HEY2: variants seen among roughly 807,000 people sequenced by gnomAD.
HEY2 encodes the protein hes related family bHLH transcription factor with YRPW motif 2, also known as hairy/enhancer-of-split related with YRPW motif protein 2.
In HEY2, 10 loss-of-function variants were observed where a neutral mutation model predicts 18.1. That is an observed-to-expected ratio of 0.55 (90% confidence interval 0.34 to 0.94). The LOEUF (loss-of-function observed/expected upper bound fraction) is 0.94. Among genes scored for constraint, HEY2 ranks in the 40% least tolerant of loss-of-function variants. The pLI is 0.02. For missense variants in HEY2, 455 were observed against 455.9 expected (o/e 1.00, Z 0.02); for synonymous variants, 210 against 182.7 (o/e 1.15, Z -1.21).
In HEY2 at chr6:125,752,006, G is replaced by C. The variant is rs770916099; in HGVS notation, c.163-1G>C. 1 of 1,612,516 alleles carries C rather than the reference G, an allele frequency of 6.2e-7. No individual in the cohort carries two copies. The highest frequency in any genetic ancestry group is 8.5e-7 in the Non-Finnish European group (1 of 1,178,644). ...TTTTGTTGTTTGCTTCTTTTGGATA[G>C]ATTATAGAGAAAAGGCGTCGGGATC... On this transcript the variant is annotated splice_acceptor_variant, in intron 2 of 4. Transcript: ENST00000368364. LOFTEE classifies it high-confidence loss of function.
intron 4 of HEY2, among the ~76,000 whole-genome samples, chr6:125,758,324 C>A (rs920419049): frequency 6.6e-6 from 1 of 152,094 alleles, no homozygotes; most frequent in Non-Finnish European, 1.5e-5. Flanking sequence ...AATTAATATA[C>A]ATTTTTTTTC....
intron 4 of HEY2, among the ~76,000 whole-genome samples, chr6:125,756,314 TC>T (rs986142835): frequency 6.6e-6 from 1 of 151,888 alleles, no homozygotes; most frequent in African/African-American, 2.4e-5. Flanking sequence ...ATGCCTGTAA[TC>T]CCAGCACTTT....
At chr6:125,755,130 A>G (rs567624058) in intron 4 of HEY2, among the ~76,000 whole-genome samples, 3 of 152,316 alleles carry the variant, frequency 2.0e-5, no homozygotes, top group Non-Finnish European at 2.9e-5. Context: ...ACCAGAAGCC[A>G]TTAATGGAGC....
rs1256397071 is a variant in HEY2, at chr6:125,760,620, A to T, written c.*818A>T. 2.6e-5 allele frequency: 4 copies of T among 152,282 alleles called. No individual in the cohort carries two copies. The East Asian group carries it at 5.8e-4, about 22-fold the overall frequency. 9.4% of individuals were successfully genotyped at this position (152,282 alleles called of 1,614,324 possible). On this transcript the variant is annotated 3_prime_UTR_variant, in exon 5 of 5. Coordinates refer to ENST00000368364, the MANE Select transcript of HEY2 (RefSeq NM_012259.3). Reference sequence around the variant, plus strand: ...ACATTTATATAGTGCACCTATGAGCAGTTGCCTACCATGTGTCCACCAGAG... The same window carrying T: ...ACATTTATATAGTGCACCTATGAGCTGTTGCCTACCATGTGTCCACCAGAG...
intron 1 of HEY2, among the ~76,000 whole-genome samples, 172 bp downstream of exon 1, chr6:125,750,031 G>C: frequency 6.6e-6 from 1 of 152,210 alleles, no homozygotes; most frequent in South Asian, 2.1e-4. Context: ...GAGTTGGGAT[G>C]GGGCAAGGGA....
chr6:125,758,979 G>T (rs1306498054), intron 4 of HEY2, 138 bp from the exon 5 acceptor site: 2 of 612,816 alleles, frequency 3.3e-6, no homozygotes, highest in Admixed American at 3.5e-5. Flanking sequence ...TTTCCAGAAA[G>T]GATTATCGTT....
At chr6:125,752,170 C>A (rs1257647092) in intron 3 of HEY2, 80 bp downstream of exon 3, 2 of 775,092 alleles carry the variant, frequency 2.6e-6, no homozygotes, top group Admixed American at 2.2e-5. Context: ...CTGATTCGCT[C>A]ATCTGGGAAT....
chr6:125,753,018 C>T (rs1471233323), intron 3 of HEY2, among the ~76,000 whole-genome samples: 1 of 152,198 alleles, frequency 6.6e-6, no homozygotes, highest in Non-Finnish European at 1.5e-5. Flanking sequence ...TTTACTGAAT[C>T]TGCTTGTACC....
At chr6:125,756,567 C>G (rs947713324) in intron 4 of HEY2, among the ~76,000 whole-genome samples, 3 of 150,146 alleles carry the variant, frequency 2.0e-5, no homozygotes. Context: ...AACTCCATCT[C>G]AAAAAAAATA....
rs909126615 is a variant in HEY2, at chr6:125,749,687, C to G, written c.-90C>G. ...CGCCGGAGCCGCGCCTGCCCAGGCC[C>G]GGGGAGGGAGGAGGCGGGCGTCAGG... On this transcript the variant is annotated 5_prime_UTR_variant, in exon 1 of 5. Transcript: ENST00000368364. 3.3e-5 allele frequency: 31 copies of G among 927,974 alleles called. No homozygotes were observed. The South Asian group carries it at 4.2e-4, about 13-fold the overall frequency. The allele number at this position is 927,974 out of a possible 1,614,324, so 57.5% of individuals were successfully genotyped here.
rs532500814 is a variant in HEY2 at position 125,749,755 on chromosome 6, G to T, written c.-22G>T. On this transcript the variant is annotated 5_prime_UTR_variant, in exon 1 of 5. Transcript: ENST00000368364. ...GCGTCCGAGCTTCCGGCCGGGCTGT[G>T]CCCCGCGCGGTCTTCGCCGGGATGA... The T allele has an allele frequency of 3.2e-6, 5 of 1,551,740 alleles. No homozygotes were observed. The highest frequency in any genetic ancestry group is 1.7e-4 in the Middle Eastern group (1 of 5,758).
intron 4 of HEY2, among the ~76,000 whole-genome samples, chr6:125,755,540 A>G (rs922355492): frequency 2.0e-5 from 3 of 152,188 alleles, no homozygotes; most frequent in Non-Finnish European, 4.4e-5. Flanking sequence ...AGATCAGGGC[A>G]GAGGCAGGAC....
chr6:125,753,180 C>G (rs1384549512), intron 3 of HEY2, among the ~76,000 whole-genome samples: 2 of 152,188 alleles, frequency 1.3e-5, no homozygotes, highest in Non-Finnish European at 2.9e-5. Flanking sequence ...TGATTAGTAG[C>G]ATTTTCAGTG....
Position 125,749,666 on chromosome 6 carries a change from G to T in HEY2, c.-111G>T. The T allele has an allele frequency of 1.6e-6, 1 of 638,024 alleles. No individual in the cohort carries two copies. Among genetic ancestry groups the T allele is most frequent in the South Asian group, 2.8e-5 (1 of 36,350 alleles). 39.5% of individuals were successfully genotyped at this position (638,024 alleles called of 1,614,324 possible). On this transcript the variant is annotated 5_prime_UTR_variant, in exon 1 of 5. Transcript: ENST00000368364. ...GCTAGGAGCAGACCGCGCCGCCGCC[G>T]GAGCCGCGCCTGCCCAGGCCCGGGG...
rs1384677516 is a variant in HEY2 at position 125,760,907 on chromosome 6, T to G, written c.*1105T>G. ...GCATTTGATCCCAAAACAAGATGAA[T>G]GTATGCAATGGGATGTACATAAGTT... is the stretch of plus-strand genomic sequence containing the variant. On this transcript the variant is annotated 3_prime_UTR_variant, in exon 5 of 5. Coordinates refer to ENST00000368364, the MANE Select transcript of HEY2 (RefSeq NM_012259.3). The G allele has an allele frequency of 6.6e-6, 1 of 152,652 alleles. No individual in the cohort carries two copies. The highest frequency in any genetic ancestry group is 2.4e-5 in the African/African-American group (1 of 41,464). The allele number at this position is 152,652 out of a possible 1,614,324, so 9.5% of individuals were successfully genotyped here. A position where few individuals can be genotyped will look rare whatever the true frequency, so the allele number is the denominator to read the frequency against.
Position 125,759,161 on chromosome 6 carries a change from G to A in HEY2, c.373G>A (p.Gly125Arg), listed in dbSNP as rs755096617. Reference sequence around the variant, plus strand: ...TCTTGCCATGGACTTCATGAGCATAGGATTCCGAGAGTGCCTAACAGAAGT... The same window carrying A: ...TCTTGCCATGGACTTCATGAGCATAAGATTCCGAGAGTGCCTAACAGAAGT... ...HALAMDFMSI[G>R]FRECLTEVAR... The change falls in exon 5 of 5, where the codon GGA (glycine) becomes AGA (arginine). Residue 125 changes from glycine to arginine, a missense_variant. Transcript: ENST00000368364. 6.2e-7 allele frequency: 1 copy of A among 1,612,820 alleles called. No homozygotes were observed. Among genetic ancestry groups the A allele is most frequent in the Admixed American group, 1.7e-5 (1 of 59,896 alleles).
Position 125,759,699 on chromosome 6 carries a change from G to T in HEY2, c.911G>T (p.Ser304Ile), listed in dbSNP as rs758103227. 2 of 1,613,064 alleles carry T rather than the reference G, an allele frequency of 1.2e-6. No individual in the cohort carries two copies. Among genetic ancestry groups the T allele is most frequent in the Admixed American group, 1.7e-5 (1 of 60,022 alleles). ...AAAVAAATAI[S>I]PPLSVSATSS... ...GCAGTGGCCGCGGCCACAGCCATCA[G>T]CCCGCCCTTGTCAGTATCAGCCACG... is the stretch of plus-strand genomic sequence containing the variant. The change falls in exon 5 of 5, where the codon AGC becomes ATC. Residue 304 changes from serine (S) to isoleucine (I), a missense_variant. By Grantham distance (142) the Ser-to-Ile change is moderately radical. Transcript: ENST00000368364.
At position 125,749,875 on chromosome 6, in the gene HEY2, G is replaced by GCGGGAGCGGCCCGCAGCT. The variant is rs1444077715; in HGVS notation, c.83+24_83+41dup. ...ATTACTCGGGGTGAGCGCGGGCTCC[G>GCGGGAGCGGCCCGCAGCT]CGGGAGCGGCCCGCAGCTCGGGAGC... On this transcript the variant is annotated intron_variant, in intron 1 of 4. Transcript: ENST00000368364. The GCGGGAGCGGCCCGCAGCT allele has an allele frequency of 1.3e-6, 2 of 1,553,872 alleles. No individual in the cohort carries two copies. Among genetic ancestry groups the GCGGGAGCGGCCCGCAGCT allele is most frequent in the African/African-American group, 1.4e-5 (1 of 73,240 alleles).
In HEY2 at chr6:125,759,427, C is replaced by T. The variant is rs1374041839; in HGVS notation, c.639C>T (p.Ser213=). 1 of 1,611,688 alleles carries T rather than the reference C, an allele frequency of 6.2e-7. No homozygotes were observed. Among genetic ancestry groups the T allele is most frequent in the Non-Finnish European group, 8.5e-7 (1 of 1,179,916 alleles). The change falls in exon 5 of 5, where the codon TCC becomes TCT. Residue 213 remains serine (S), a synonymous_variant. Coordinates refer to ENST00000368364, the MANE Select transcript of HEY2 (RefSeq NM_012259.3). The part of the protein sequence containing the change: ...HASESTPCRL[S]TTSEVPPAHG... ...CAGAGTCAACCCCTTGTCGCCTCTC[C>T]ACAACTTCAGAAGTGCCTCCTGCCC...
Sources: allele counts gnomAD v4.1 joint callset (sites outside exome capture counted in the v4.1 genomes callset), GRCh38; gene constraint gnomAD v4.1.1; transcripts MANE v1.5; gene names NCBI Gene and HGNC (gene_info 2026-07-23, HGNC 2026-07-21).